Variants in MGAT4A observed in about 807,000 individuals in gnomAD.
MGAT4A encodes the protein alpha-1,3-mannosyl-glycoprotein 4-beta-N-acetylglucosaminyltransferase A.
In MGAT4A, 33 loss-of-function variants were observed where a neutral mutation model predicts 74.1. The ratio of observed to expected loss-of-function variants is 0.45; its 90% CI spans 0.34 to 0.60. The LOEUF is 0.60. MGAT4A is among the 20% of genes least tolerant of loss of function. MGAT4A has a pLI of 0.02. For synonymous variants in MGAT4A, 198 were observed against 210.4 expected, an observed-to-expected ratio of 0.94 and a Z score of 0.51; for missense variants, 479 against 628.3, an observed-to-expected ratio of 0.76 and a Z score of 2.54.
At chr2:98,677,086 T>C (rs568706506) in intron 3 of MGAT4A, among the ~76,000 whole-genome samples, 1 of 152,252 alleles carries the variant, frequency 6.6e-6, no homozygotes, top group Non-Finnish European at 1.5e-5. Flanking sequence ...ATTATGCAAA[T>C]TTAGAGGCAA....
chr2:98,678,068 T>A (rs62158001), intron 3 of MGAT4A, among the ~76,000 whole-genome samples: 37,493 of 149,110 alleles, frequency 0.25, 5,262 homozygotes, highest in Non-Finnish European at 0.32. Flanking sequence ...TCTCTACTAA[T>A]AATACAAAAA....
chr2:98,696,595 T>C (rs1702278621), intron 2 of MGAT4A, among the ~76,000 whole-genome samples: 1 of 152,188 alleles, frequency 6.6e-6, no homozygotes, highest in South Asian at 2.1e-4. Flanking sequence ...AAAGGGGAAA[T>C]AAGTACCCAA....
chr2:98,710,264 C>T (rs1175826309), intron 2 of MGAT4A, among the ~76,000 whole-genome samples: 2 of 152,122 alleles, frequency 1.3e-5, no homozygotes, highest in Non-Finnish European at 1.5e-5. Flanking sequence ...TCAAGGATGT[C>T]AGGGGAGAAT....
At chr2:98,676,875 A>C (rs1394516039) in intron 3 of MGAT4A, among the ~76,000 whole-genome samples, 1 of 152,136 alleles carries the variant, frequency 6.6e-6, no homozygotes, top group Non-Finnish European at 1.5e-5. Flanking sequence ...ACTTGGCATC[A>C]GGTTTATCGG....
intron 4 of MGAT4A, among the ~76,000 whole-genome samples, chr2:98,667,842 C>T (rs1228701713): frequency 6.6e-6 from 1 of 152,002 alleles, no homozygotes; most frequent in East Asian, 1.9e-4. Context: ...GCCTCAGCCT[C>T]CCGAGTAGCT....
intron 7 of MGAT4A, chr2:98,655,791 C>T (rs528450181): frequency 3.7e-6 from 1 of 271,064 alleles, no homozygotes; most frequent in South Asian, 1.1e-4. Flanking sequence ...AGTATGTATA[C>T]ATGTTCCCCT....
chr2:98,660,472 G>A (rs1374635667), intron 5 of MGAT4A, among the ~76,000 whole-genome samples: 1 of 142,372 alleles, frequency 7.0e-6, no homozygotes, highest in Non-Finnish European at 1.5e-5. Context: ...AATAGCCAAG[G>A]TAATCATGAG....
intron 2 of MGAT4A, among the ~76,000 whole-genome samples, chr2:98,693,813 G>A (rs541952205): frequency 1.9e-4 from 29 of 151,956 alleles, no homozygotes; most frequent in South Asian, 4.1e-4. Flanking sequence ...GAAATACCTA[G>A]AGCAACCACT....
intron 14 of MGAT4A, among the ~76,000 whole-genome samples, chr2:98,628,879 C>T (rs965332963): frequency 1.3e-5 from 2 of 152,040 alleles, no homozygotes; most frequent in African/African-American, 4.8e-5. Context: ...AGTGCAAAGC[C>T]GGGAGAGCAT....
At chr2:98,653,994 G>A (rs1318046246) in intron 8 of MGAT4A, among the ~76,000 whole-genome samples, 1 of 152,070 alleles carries the variant, frequency 6.6e-6, no homozygotes, top group Non-Finnish European at 1.5e-5. Flanking sequence ...GCAATACAGG[G>A]ATCGTTCAAC....
chr2:98,683,192 T>C (rs1219555200), intron 2 of MGAT4A, among the ~76,000 whole-genome samples: 1 of 151,864 alleles, frequency 6.6e-6, no homozygotes, highest in Non-Finnish European at 1.5e-5. Flanking sequence ...TAAGAGAAAC[T>C]AAATGCAAAG....
At chr2:98,719,867 G>T (rs551030450) in intron 2 of MGAT4A, among the ~76,000 whole-genome samples, 1 of 152,070 alleles carries the variant, frequency 6.6e-6, no homozygotes, top group African/African-American at 2.4e-5. Flanking sequence ...GGCTGGTCTC[G>T]AACTCCTGAC....
At chr2:98,655,811 A>G (rs1312060407) in intron 7 of MGAT4A, 1 of 225,958 alleles carries the variant, frequency 4.4e-6, no homozygotes, top group African/African-American at 2.3e-5. Flanking sequence ...TTCTAGAAAC[A>G]TATTAATTCA....
At chr2:98,668,938 T>C (rs1701874401) in intron 4 of MGAT4A, among the ~76,000 whole-genome samples, 1 of 152,226 alleles carries the variant, frequency 6.6e-6, no homozygotes, top group Admixed American at 6.5e-5. Flanking sequence ...CCATTTGGAA[T>C]GGCTGTATTT....
intron 2 of MGAT4A, among the ~76,000 whole-genome samples, chr2:98,715,133 C>T (rs1169973895): frequency 2.6e-5 from 4 of 151,734 alleles, no homozygotes; most frequent in Non-Finnish European, 2.9e-5. Flanking sequence ...CTGGCCAACA[C>T]GGTGAAACCC....
At chr2:98,636,489 G>A (rs767259340) in intron 13 of MGAT4A, 28 bp downstream of exon 13, 11 of 1,539,396 alleles carry the variant, frequency 7.1e-6, no homozygotes, top group Non-Finnish European at 9.9e-6. Context: ...AGTTGTTAGG[G>A]AAAGGTAAGA....
At chr2:98,639,301 A>G (rs941558366) in intron 12 of MGAT4A, among the ~76,000 whole-genome samples, 22 of 152,238 alleles carry the variant, frequency 1.4e-4, no homozygotes, top group South Asian at 2.1e-4. Context: ...AAAAAGGAAG[A>G]AAGTCCTAAA....
intron 4 of MGAT4A, among the ~76,000 whole-genome samples, chr2:98,668,026 G>C (rs909894064): frequency 6.6e-6 from 1 of 152,030 alleles, no homozygotes; most frequent in Non-Finnish European, 1.5e-5. Flanking sequence ...CCAGCATTCA[G>C]TTTTAAGACG....
intron 2 of MGAT4A, among the ~76,000 whole-genome samples, chr2:98,704,954 C>A (rs1014771525): frequency 6.6e-6 from 1 of 152,132 alleles, no homozygotes; most frequent in Admixed American, 6.5e-5. Context: ...AGAGGCGCAA[C>A]TGACATTGGG....
Sources: gnomAD v4.1 joint callset for allele counts (sites outside exome capture counted in the v4.1 genomes callset) on GRCh38, gnomAD v4.1.1 for gene constraint, MANE v1.5 for transcripts, NCBI Gene and HGNC (gene_info 2026-07-23, HGNC 2026-07-21) for gene names.